Variants in TTN observed in about 807,000 individuals in gnomAD.
TTN encodes titin, also known as connectin.
TTN carries 1,525 observed loss-of-function variants against 3,223.0 expected under a neutral mutation model. That is an observed-to-expected ratio of 0.47 (90% confidence interval 0.45 to 0.49). The LOEUF is 0.49. Among genes scored for constraint, TTN ranks in the 20% least tolerant of loss-of-function variants. The pLI is 0.00. For missense variants in TTN, 40,786 were observed against 43,424.0 expected (o/e 0.94, Z 5.40); for synonymous variants, 14,094 against 15,161.0 (o/e 0.93, Z 5.17).
rs750836266 is a variant in TTN, at chr2:178,580,585, G to A, written c.66794C>T (p.Ala22265Val). The A allele has an allele frequency of 8.1e-5, 130 of 1,610,344 alleles. 3 individuals carry two copies. The South Asian group carries it at 1.3e-3, about 16-fold the overall frequency. Residue 22265 changes from alanine to valine, a missense_variant, in exon 317 of 363, where the codon GCG (alanine) becomes GTG (valine). Ala to Val is a moderately conservative substitution (Grantham distance 64). Coordinates refer to ENST00000589042, the MANE Select transcript of TTN (RefSeq NM_001267550.2). ...ILIPPEGELD[A>V]DLRKTLILRA... ...TAATATGAGTGTCTTCCTTAAGTCCGCATCAAGTTCTCCCTCAGGTGGAAC... is the reference window on the plus strand; with the variant it reads ...TAATATGAGTGTCTTCCTTAAGTCCACATCAAGTTCTCCCTCAGGTGGAAC...
In TTN at chr2:178,609,836, C is replaced by G. The variant is rs751398376; in HGVS notation, c.51587G>C (p.Arg17196Thr). ...GATTGGTACCAGGTGTTCATTGCAT[C>G]TCTTCCACCTTTCTTCACCCTTAGC... ...KIAKGEERWK[R>T]CNEHLVPILT... The change falls in exon 272 of 363, where the codon AGA becomes ACA. Residue 17196 changes from arginine (R) to threonine (T), a missense_variant. Coordinates refer to ENST00000589042, the MANE Select transcript of TTN (RefSeq NM_001267550.2). 6.2e-7 allele frequency: 1 copy of G among 1,612,988 alleles called. No homozygotes were observed. The highest frequency in any genetic ancestry group is 1.7e-5 in the Admixed American group (1 of 59,954).
chr2:178,688,834 T>G (rs761629688), intron 125 of TTN, 56 bp from the exon 126 acceptor site: 3 of 1,431,682 alleles, frequency 2.1e-6, no homozygotes, highest in Non-Finnish European at 2.9e-6. Flanking sequence ...CAATTCTCAC[T>G]TTCTAGAATT....
Position 178,588,547 on chromosome 2 carries a change from C to G in TTN, c.63178G>C (p.Asp21060His). Residue 21060 changes from aspartate to histidine, a missense_variant, in exon 304 of 363, where the codon GAC (aspartate) becomes CAC (histidine). Asp to His is a moderately conservative substitution (Grantham distance 81). Transcript: ENST00000589042. The stretch of plus-strand genomic sequence containing the variant: ...AACAAGGACATCCTACCTATGGGGT[C>G]TTTTGCCACCACCGGTCTTGAAGGC... ...SLPSRPVVAK[D>H]PIEPPGPPTN... 6.6e-7 allele frequency: 1 copy of G among 1,525,390 alleles called. No individual in the cohort carries two copies. Among genetic ancestry groups the G allele is most frequent in the Non-Finnish European group, 8.8e-7 (1 of 1,140,428 alleles). 94.5% of individuals were successfully genotyped at this position (1,525,390 alleles called of 1,614,324 possible).
chr2:178,654,344 C>T (rs1021584969), intron 192 of TTN, 53 bp from the exon 193 acceptor site: 19 of 1,572,240 alleles, frequency 1.2e-5, no homozygotes, highest in Middle Eastern at 4.5e-4. Flanking sequence ...GGAATATCGA[C>T]TCCACATTTA....
chr2:178,747,238 G>A (rs1001691697), intron 47 of TTN: 3 of 1,612,688 alleles, frequency 1.9e-6, no homozygotes, highest in Non-Finnish European at 2.5e-6. Context: ...TCTCCCCTGG[G>A]GGTGTGGAGT....
Position 178,608,600 on chromosome 2 carries a change from A to G in TTN, c.52405+6T>C. 1 of 1,607,190 alleles carries G rather than the reference A, an allele frequency of 6.2e-7. No homozygotes were observed. The highest frequency in any genetic ancestry group is 8.5e-7 in the Non-Finnish European group (1 of 1,177,254). On this transcript the variant is annotated splice_donor_region_variant and intron_variant, in intron 274 of 362. Transcript: ENST00000589042. The stretch of plus-strand genomic sequence containing the variant: ...AGGCAAACTTTAGATGCCAAAGGAA[A>G]CTTACCAAATGGATCTTTAGCCACA...
rs1026532541 is a variant in TTN at position 178,636,529 on chromosome 2, C to T, written c.41198G>A (p.Arg13733Lys). 2 of 1,613,296 alleles carry T rather than the reference C, an allele frequency of 1.2e-6. No homozygotes were observed. The highest frequency in any genetic ancestry group is 2.7e-5 in the African/African-American group (2 of 74,884). ...GSNIRESPKH[R>K]FIADGKDRKL... ...TCTGTCTTTACCATCTGCAATAAACCTGTGCTTGGGACTCTCACGGATATT... is the reference window on the plus strand; with the variant it reads ...TCTGTCTTTACCATCTGCAATAAACTTGTGCTTGGGACTCTCACGGATATT... The change falls in exon 225 of 363, where the codon AGG becomes AAG. Residue 13733 changes from arginine (R) to lysine (K), a missense_variant. Physicochemically the swap from Arg to Lys is conservative, Grantham distance 26 (BLOSUM62 2). Transcript: ENST00000589042. The surrounding 1 kb of genome is among the most constrained non-coding windows in gnomAD (Gnocchi z 4.3).
intron 144 of TTN, 42 bp downstream of exon 144, chr2:178,678,372 G>A (rs752107094): frequency 1.2e-4 from 190 of 1,537,996 alleles, no homozygotes; most frequent in Non-Finnish European, 1.7e-4. Context: ...ACATAGATGT[G>A]AGTTTTTTCC....
rs1432709459 is a variant in TTN, at chr2:178,586,535, C to T, written c.64366G>A (p.Glu21456Lys). The change falls in exon 308 of 363, where the codon GAA (glutamate) becomes AAA (lysine). Residue 21456 changes from glutamate (E) to lysine (K), a missense_variant. Transcript: ENST00000589042. ...AVGVSLPREAEGVYEAKEQLL... is the reference protein window; with the variant it reads ...AVGVSLPREAKGVYEAKEQLL... ...TGTTCTTTGGCTTCATACACTCCTT[C>T]AGCTTCTCTTGGCAAACTGACTCCA... 1 of 1,613,170 alleles carries T rather than the reference C, an allele frequency of 6.2e-7. No individual in the cohort carries two copies. Among genetic ancestry groups the T allele is most frequent in the African/African-American group, 1.3e-5 (1 of 75,002 alleles).
chr2:178,534,000 A>G lies in TTN; in HGVS notation c.102615T>C (p.Gly34205=), dbSNP rs1690329738. The G allele has an allele frequency of 6.2e-7, 1 of 1,613,854 alleles. No homozygotes were observed. The highest frequency in any genetic ancestry group is 8.5e-7 in the Non-Finnish European group (1 of 1,179,876). Residue 34205 remains glycine, a synonymous_variant, in exon 358 of 363, where the codon GGT becomes GGC. Transcript: ENST00000589042. ...YVKDITKLDD[G]TYRCKVVNDY... ...CATTGACTACTTTGCATCTGTAGGT[A>G]CCATCATCTAATTTGGTAATGTCTT...
In TTN at chr2:178,537,305, TTAAAAA is replaced by T. The variant is rs1204333677; in HGVS notation, c.99865+31_99865+36del. The T allele has an allele frequency of 6.6e-6, 10 of 1,524,432 alleles. No homozygotes were observed. The Admixed American group carries it at 2.0e-4, about 31-fold the overall frequency. 94.4% of individuals were successfully genotyped at this position (1,524,432 alleles called of 1,614,324 possible). ...GTGTGTTTTTGAGATTTTTTTTTCT[TTAAAAA>T]TAAAAAGCACTGAAAATAAAAATAA... is the stretch of plus-strand genomic sequence containing the variant. On this transcript the variant is annotated intron_variant, in intron 355 of 362. Coordinates refer to ENST00000589042, the MANE Select transcript of TTN (RefSeq NM_001267550.2).
chr2:178,585,480 C>G, intron 308 of TTN, 133 bp from the exon 309 acceptor site: 1 of 952,948 alleles, frequency 1.0e-6, no homozygotes. Flanking sequence ...TTCTGGGATA[C>G]ATATGCAGAA....
chr2:178,550,269 T>G lies in TTN; in HGVS notation c.91569A>C (p.Pro30523=), dbSNP rs1372393944. 6.2e-7 allele frequency: 1 copy of G among 1,605,596 alleles called. No homozygotes were observed. Among genetic ancestry groups the G allele is most frequent in the Non-Finnish European group, 8.5e-7 (1 of 1,175,496 alleles). ...GIIMTRDENV[P]PIVEFGPEYF... The stretch of plus-strand genomic sequence containing the variant: ...ATTCAGGGCCAAACTCTACTATTGG[T>G]GGAACTATAAAAGAAAGAGAAATAC... The change falls in exon 337 of 363, where the codon CCA becomes CCC. Residue 30523 remains proline, a synonymous_variant. Coordinates refer to ENST00000589042, the MANE Select transcript of TTN (RefSeq NM_001267550.2).
intron 34 of TTN, 189 bp from the exon 35 acceptor site, chr2:178,770,864 T>C (rs2091370001): frequency 7.0e-6 from 6 of 861,170 alleles, no homozygotes; most frequent in Non-Finnish European, 1.2e-5. Context: ...ACTGGACATG[T>C]ACATCGTGAA....
rs397517558 is a variant in TTN, at chr2:178,651,496, C to A, written c.39504G>T (p.Val13168=). ...VPKEVVPEKK[V]PLVVPKKPEA... ...CTGGCTTTTTGGGAACCACCAGAGG[C>A]ACCTTCTTTTCAGGAACAACCTCCT... is the stretch of plus-strand genomic sequence containing the variant. Residue 13168 remains valine, a synonymous_variant, in exon 207 of 363, where the codon GTG becomes GTT. Coordinates refer to ENST00000589042, the MANE Select transcript of TTN (RefSeq NM_001267550.2). 8.1e-6 allele frequency: 13 copies of A among 1,612,820 alleles called. No homozygotes were observed. Among genetic ancestry groups the A allele is most frequent in the Non-Finnish European group, 1.1e-5 (13 of 1,179,476 alleles).
chr2:178,614,161 G>A lies in TTN; in HGVS notation c.49236C>T (p.Ala16412=). Residue 16412 remains alanine (A), a synonymous_variant, in exon 262 of 363, where the codon GCC becomes GCT. Transcript: ENST00000589042. ...SSTVKDTNFK[A]TKLIPNKEYI... is the part of the protein sequence containing the mutation. ...ACTCTTTATTGGGGATTAATTTGGT[G>A]GCCTTGAAGTTTGTATCCTTGACGG... is the stretch of plus-strand genomic sequence containing the variant. 1 of 1,612,368 alleles carries A rather than the reference G, an allele frequency of 6.2e-7. No homozygotes were observed. Among genetic ancestry groups the A allele is most frequent in the Non-Finnish European group, 8.5e-7 (1 of 1,179,196 alleles).
At position 178,526,986 on chromosome 2, in the gene TTN, T is replaced by G; in HGVS notation, c.*26A>C. ...ACGTTTGCGAAAAGTTAAGAATGAG[T>G]GTAGAGTATAAGGGCACAGGCCCTC... On this transcript the variant is annotated 3_prime_UTR_variant, in exon 363 of 363. Coordinates refer to ENST00000589042, the MANE Select transcript of TTN (RefSeq NM_001267550.2). 6.4e-7 allele frequency: 1 copy of G among 1,566,226 alleles called. No individual in the cohort carries two copies. The highest frequency in any genetic ancestry group is 2.3e-5 in the East Asian group (1 of 44,256).
Position 178,775,905 on chromosome 2 carries a change from G to T in TTN, c.5959C>A (p.His1987Asn). The change falls in exon 28 of 363, where the codon CAT becomes AAT. Residue 1987 changes from histidine to asparagine, a missense_variant. Coordinates refer to ENST00000589042, the MANE Select transcript of TTN (RefSeq NM_001267550.2). ...VKLKRAERIT[H>N]EKVPEESEEL... ...TCCGACTCTTCAGGCACTTTTTCAT[G>T]GGTAATTCTTTCAGCCCTTTTCAAC... The T allele has an allele frequency of 6.2e-7, 1 of 1,614,030 alleles. No individual in the cohort carries two copies. Among genetic ancestry groups the T allele is most frequent in the Non-Finnish European group, 8.5e-7 (1 of 1,179,992 alleles).
chr2:178,628,365 G>A (rs568362279), intron 240 of TTN, among the ~76,000 whole-genome samples: 38 of 152,072 alleles, frequency 2.5e-4, no homozygotes, highest in African/African-American at 7.7e-4. Context: ...ACATTTAATA[G>A]TATTTCTGAA....
Sources: allele counts gnomAD v4.1 joint callset (sites outside exome capture counted in the v4.1 genomes callset), GRCh38; gene constraint gnomAD v4.1.1; non-coding constraint Gnocchi (gnomAD v3.1); transcripts MANE v1.5; gene names NCBI Gene and HGNC (gene_info 2026-07-23, HGNC 2026-07-21).